The following TTLL11 variants were observed in gnomAD, a reference collection of about 807,000 sequenced individuals.
TTLL11 encodes tubulin polyglutamylase TTLL11.
Under a neutral mutation model 51.7 loss-of-function variants are expected in TTLL11, and 42 were observed. The ratio of observed to expected loss-of-function variants is 0.81; its 90% CI spans 0.64 to 1.05. The LOEUF (loss-of-function observed/expected upper bound fraction) is 1.05. Among genes scored for constraint, TTLL11 ranks in the 50% least tolerant of loss-of-function variants. TTLL11 has a pLI of 0.00. For synonymous variants in TTLL11, 381 were observed against 383.5 expected, an observed-to-expected ratio of 0.99 and a Z score of 0.08; for missense variants, 799 against 940.4, an observed-to-expected ratio of 0.85 and a Z score of 1.97.
intron 1 of TTLL11, among the ~76,000 whole-genome samples, chr9:122,061,178 G>A (rs138945805): frequency 2.6e-5 from 4 of 152,192 alleles, no homozygotes; most frequent in African/African-American, 9.6e-5. Context: ...CTCCTTTTCT[G>A]TCTCTTATAA....
chr9:121,830,411 T>C (rs1337148932), intron 8 of TTLL11, among the ~76,000 whole-genome samples: 1 of 152,118 alleles, frequency 6.6e-6, no homozygotes, highest in African/African-American at 2.4e-5. Flanking sequence ...CTCCTTCCCC[T>C]CCCTGCTCCC....
chr9:122,084,399 G>T (rs1162737070), intron 1 of TTLL11, among the ~76,000 whole-genome samples: 1 of 152,092 alleles, frequency 6.6e-6, no homozygotes, highest in Non-Finnish European at 1.5e-5. Context: ...AAATGGCAGC[G>T]GCAGCAGCTG....
chr9:121,879,641 A>G (rs1316873719), intron 6 of TTLL11, among the ~76,000 whole-genome samples: 2 of 152,180 alleles, frequency 1.3e-5, no homozygotes, highest in Non-Finnish European at 2.9e-5. Flanking sequence ...AGGCCCCCGG[A>G]CTTCTCATCC....
chr9:121,916,050 C>A (rs1301326202), intron 6 of TTLL11, among the ~76,000 whole-genome samples: 7 of 149,998 alleles, frequency 4.7e-5, no homozygotes, highest in African/African-American at 1.7e-4. Flanking sequence ...GGGTTCCTGG[C>A]AATGTTGTTT....
chr9:122,034,073 T>A (rs970440720), intron 2 of TTLL11, among the ~76,000 whole-genome samples: 3 of 152,234 alleles, frequency 2.0e-5, no homozygotes, highest in African/African-American at 7.2e-5. Context: ...ACTGAAAGCC[T>A]TCATAACTAA....
At chr9:121,896,129 G>A (rs1365005051) in intron 6 of TTLL11, among the ~76,000 whole-genome samples, 3 of 151,918 alleles carry the variant, frequency 2.0e-5, no homozygotes, top group Non-Finnish European at 4.4e-5. Context: ...TGTGTGCTCC[G>A]CCATCTACAG....
intron 1 of TTLL11, among the ~76,000 whole-genome samples, chr9:122,053,680 C>T (rs1232667458): frequency 2.0e-5 from 3 of 152,040 alleles, no homozygotes; most frequent in African/African-American, 7.2e-5. Flanking sequence ...AAAAAGTATG[C>T]GCAGGGAGCA....
chr9:121,901,143 A>G (rs1839761556), intron 6 of TTLL11, among the ~76,000 whole-genome samples: 1 of 152,208 alleles, frequency 6.6e-6, no homozygotes, highest in African/African-American at 2.4e-5. Flanking sequence ...CAGCCAGGAT[A>G]TTATTGGTGT....
intron 6 of TTLL11, among the ~76,000 whole-genome samples, chr9:121,887,621 G>A (rs1839060415): frequency 6.6e-6 from 1 of 152,216 alleles, no homozygotes; most frequent in South Asian, 2.1e-4. Flanking sequence ...CGTGTGAGAT[G>A]AGCAGACTAT....
chr9:121,970,423 C>T (rs1842517531), intron 6 of TTLL11, among the ~76,000 whole-genome samples: 1 of 152,206 alleles, frequency 6.6e-6, no homozygotes, highest in Non-Finnish European at 1.5e-5. Flanking sequence ...AACGCTTCTA[C>T]CCCTTCATGT....
chr9:122,051,630 T>G (rs150788830), intron 1 of TTLL11, among the ~76,000 whole-genome samples: 1,694 of 152,062 alleles, frequency 0.011, 19 homozygotes, highest in Middle Eastern at 0.02. Context: ...CTCTCTCTCT[T>G]TCTCTCTCTC....
intron 1 of TTLL11, among the ~76,000 whole-genome samples, chr9:122,048,158 TA>T (rs1845068397): frequency 6.6e-6 from 1 of 151,132 alleles, no homozygotes; most frequent in South Asian, 2.1e-4. Context: ...TTATTTTCAT[TA>T]TTTTTATTTT....
intron 6 of TTLL11, among the ~76,000 whole-genome samples, chr9:121,876,901 G>A (rs1453272514): frequency 6.6e-6 from 1 of 152,200 alleles, no homozygotes; most frequent in Non-Finnish European, 1.5e-5. Flanking sequence ...TCTGATACGG[G>A]CTAAGGTCTA....
intron 2 of TTLL11, among the ~76,000 whole-genome samples, chr9:122,033,305 G>T (rs894442818): frequency 2.0e-5 from 3 of 152,086 alleles, no homozygotes; most frequent in Admixed American, 1.3e-4. Flanking sequence ...TAGAGAAGGG[G>T]TTTCACCATG....
intron 6 of TTLL11, among the ~76,000 whole-genome samples, chr9:121,909,303 C>T (rs148718935): frequency 6.6e-5 from 10 of 152,196 alleles, no homozygotes; most frequent in East Asian, 1.9e-4. Flanking sequence ...CTGCACCTGC[C>T]GCCAGAAGGT....
chr9:121,831,273 G>A (rs1836997959), intron 8 of TTLL11, among the ~76,000 whole-genome samples: 1 of 152,222 alleles, frequency 6.6e-6, no homozygotes, highest in Non-Finnish European at 1.5e-5. Flanking sequence ...TGTTGGCGAT[G>A]AGGCCCCAGA....
intron 3 of TTLL11, among the ~76,000 whole-genome samples, chr9:122,027,650 A>G (rs554003059): frequency 6.6e-6 from 1 of 152,290 alleles, no homozygotes; most frequent in East Asian, 1.9e-4. Flanking sequence ...TTGAGTTTTA[A>G]ATTATTTCAA....
chr9:121,889,350 T>C (rs1334172265), intron 6 of TTLL11, among the ~76,000 whole-genome samples: 1 of 152,224 alleles, frequency 6.6e-6, no homozygotes, highest in Non-Finnish European at 1.5e-5. Context: ...TTACTTGGAA[T>C]ACTTTTTTAA....
chr9:122,039,267 G>A lies in TTLL11; in HGVS notation c.559+5C>T, dbSNP rs1383180408. 1.4e-5 allele frequency: 23 copies of A among 1,612,484 alleles called. No homozygotes were observed. The highest frequency in any genetic ancestry group is 2.0e-5 in the Non-Finnish European group (23 of 1,178,710). ...TGTTTAAATGTCAACAATAACAGCA[G>A]ATACCTGGAAACTTGTTCACTTGAC... On this transcript the variant is annotated splice_donor_5th_base_variant and intron_variant, in intron 2 of 8. Coordinates refer to ENST00000321582, the MANE Select transcript of TTLL11 (RefSeq NM_001139442.2).
Sources: gnomAD v4.1 joint callset for allele counts (sites outside exome capture counted in the v4.1 genomes callset) on GRCh38, gnomAD v4.1.1 for gene constraint, MANE v1.5 for transcripts, NCBI Gene and HGNC (gene_info 2026-07-23, HGNC 2026-07-21) for gene names.